The following ADAMTS12 variants were observed in gnomAD, a reference collection of about 807,000 sequenced individuals.
ADAMTS12 encodes ADAM metallopeptidase with thrombospondin type 1 motif 12.
A neutral mutation model predicts 167.8 loss-of-function variants in ADAMTS12; 118 were observed. The observed-to-expected ratio is 0.70, with a 90% confidence interval of 0.61 to 0.82. The LOEUF is 0.82. ADAMTS12 is among the 40% of genes least tolerant of loss of function. ADAMTS12 has a pLI of 0.00. For synonymous variants in ADAMTS12, 704 were observed against 716.9 expected (o/e 0.98, Z 0.29); for missense variants, 1,916 against 1,998.8 (o/e 0.96, Z 0.79).
chr5:33,630,813 G>A lies in ADAMTS12; in HGVS notation c.1989C>T (p.Asn663=), dbSNP rs1250827471. ...TGCCATTAATACAGACATTTCTGCT[G>A]TTGCCGCCTTCAAAGCAAGGGGTAC... The part of the protein sequence containing the change: ...IDGTPCFEGG[N]SRNVCINGIC... Residue 663 remains asparagine (N), a synonymous_variant, in exon 13 of 24, where the codon AAC becomes AAT. Transcript: ENST00000504830. The A allele has an allele frequency of 1.2e-6, 2 of 1,613,662 alleles. No homozygotes were observed. Among genetic ancestry groups the A allele is most frequent in the Admixed American group, 1.7e-5 (1 of 60,002 alleles).
At chr5:33,802,959 C>A (rs1428968394) in intron 2 of ADAMTS12, among the ~76,000 whole-genome samples, 1 of 152,134 alleles carries the variant, frequency 6.6e-6, no homozygotes, top group Non-Finnish European at 1.5e-5. Context: ...TACTTGAGAT[C>A]CAAACACAAG....
chr5:33,853,245 TC>T, intron 2 of ADAMTS12, among the ~76,000 whole-genome samples: 1 of 152,298 alleles, frequency 6.6e-6, no homozygotes, highest in East Asian at 1.9e-4. Flanking sequence ...ACAAGGTCCA[TC>T]CCCTTGAGAT....
intron 5 of ADAMTS12, among the ~76,000 whole-genome samples, chr5:33,673,578 C>T (rs1042756741): frequency 5.3e-5 from 8 of 152,090 alleles, no homozygotes; most frequent in African/African-American, 1.9e-4. Flanking sequence ...GTCCTTAGCC[C>T]AAACCTTCAT....
intron 2 of ADAMTS12, among the ~76,000 whole-genome samples, chr5:33,825,995 T>C (rs2112510169): frequency 6.6e-6 from 1 of 152,280 alleles, no homozygotes; most frequent in South Asian, 2.1e-4. Context: ...AACAGATCTC[T>C]ACCTTGCCAT....
intron 22 of ADAMTS12, among the ~76,000 whole-genome samples, chr5:33,544,101 A>G (rs1349845393): frequency 6.6e-6 from 1 of 152,208 alleles, no homozygotes; most frequent in East Asian, 1.9e-4. Flanking sequence ...ATGATTTTAT[A>G]TTTAGAAAAA....
At chr5:33,622,951 A>G (rs1001690227) in intron 14 of ADAMTS12, among the ~76,000 whole-genome samples, 1 of 152,224 alleles carries the variant, frequency 6.6e-6, no homozygotes, top group African/African-American at 2.4e-5. Flanking sequence ...TGGGCAGGAC[A>G]AGCATTACAT....
At chr5:33,650,754 G>A (rs1024203240) in intron 7 of ADAMTS12, among the ~76,000 whole-genome samples, 1 of 152,184 alleles carries the variant, frequency 6.6e-6, no homozygotes, top group Non-Finnish European at 1.5e-5. Context: ...ACGTTCTCAA[G>A]ATCACCCAAA....
intron 3 of ADAMTS12, among the ~76,000 whole-genome samples, chr5:33,734,339 C>T (rs998450489): frequency 2.2e-4 from 34 of 152,200 alleles, no homozygotes; most frequent in African/African-American, 7.9e-4. Flanking sequence ...AGCCTGACTT[C>T]AAGAATAATA....
intron 3 of ADAMTS12, among the ~76,000 whole-genome samples, chr5:33,706,828 C>A (rs1392022711): frequency 1.3e-5 from 2 of 152,138 alleles, no homozygotes; most frequent in Non-Finnish European, 2.9e-5. Context: ...CTACTTATGA[C>A]AAACCCACAG....
intron 3 of ADAMTS12, among the ~76,000 whole-genome samples, chr5:33,687,090 T>TG (rs1368162646): frequency 1.3e-5 from 2 of 150,098 alleles, no homozygotes; most frequent in Non-Finnish European, 3.0e-5. Flanking sequence ...AGACATGAGT[T>TG]TTTTTTTTTT....
chr5:33,525,112 G>A lies in ADAMTS12; in HGVS notation c.*2076C>T, dbSNP rs1743754670. 6.6e-6 allele frequency: 1 copy of A among 152,078 alleles called. No individual in the cohort carries two copies. Among genetic ancestry groups the A allele is most frequent in the Non-Finnish European group, 1.5e-5 (1 of 68,026 alleles). The allele number at this position is 152,078 out of a possible 1,614,324, so 9.4% of individuals were successfully genotyped here. On this transcript the variant is annotated 3_prime_UTR_variant, in exon 24 of 24. Transcript: ENST00000504830. ...TCTAGCTTACTAAATGAATCCCCCT[G>A]AAAGACTACACTACACTTCAGGGAC...
intron 18 of ADAMTS12, among the ~76,000 whole-genome samples, chr5:33,579,673 T>A (rs1410496023): frequency 1.3e-5 from 2 of 152,214 alleles, no homozygotes; most frequent in African/African-American, 4.8e-5. Context: ...ATTAACTCCT[T>A]GTGTGATTCG....
intron 2 of ADAMTS12, among the ~76,000 whole-genome samples, chr5:33,789,959 C>T (rs1746466541): frequency 1.0e-5 from 1 of 95,386 alleles, no homozygotes; most frequent in African/African-American, 4.1e-5. Context: ...CATTTCACCC[C>T]GAGACTACAC....
chr5:33,681,804 C>G (rs1742129779), intron 5 of ADAMTS12, among the ~76,000 whole-genome samples: 1 of 152,060 alleles, frequency 6.6e-6, no homozygotes, highest in African/African-American at 2.4e-5. Flanking sequence ...AGTGCATAGA[C>G]AGTGAGTATG....
chr5:33,818,341 C>T (rs1206739216), intron 2 of ADAMTS12, among the ~76,000 whole-genome samples: 4 of 152,052 alleles, frequency 2.6e-5, no homozygotes, highest in Non-Finnish European at 5.9e-5. Flanking sequence ...AAAAATATGC[C>T]ACATATAAGT....
At position 33,860,504 on chromosome 5, in the gene ADAMTS12, T is replaced by C. The variant is rs182800870; in HGVS notation, c.489+20615A>G. ...GAATGAACAAAGCCTCCAAGAAATA[T>C]GAGACTATGTAGAAAGACCAAACCT... is the stretch of plus-strand genomic sequence containing the variant. On this transcript the variant is annotated intron_variant, in intron 2 of 23. Transcript: ENST00000504830. Among the ~76,000 whole-genome samples, 91 of 152,144 alleles carry C rather than the reference T, an allele frequency of 6.0e-4. No individual in the cohort carries two copies. In the East Asian group the frequency reaches 0.013, roughly 22 times the overall value.
intron 2 of ADAMTS12, among the ~76,000 whole-genome samples, chr5:33,794,963 C>A (rs1746716176): frequency 6.6e-6 from 1 of 152,118 alleles, no homozygotes; most frequent in East Asian, 1.9e-4. Flanking sequence ...CCATTATTTA[C>A]ATATTTTAAA....
At chr5:33,676,712 A>ACACG (rs1223699819) in intron 5 of ADAMTS12, among the ~76,000 whole-genome samples, 2 of 113,182 alleles carry the variant, frequency 1.8e-5, no homozygotes, top group African/African-American at 5.5e-5. Flanking sequence ...ACACACAGAG[A>ACACG]GAGAGAGAGA....
intron 3 of ADAMTS12, among the ~76,000 whole-genome samples, chr5:33,705,231 A>AT (rs1743149313): frequency 1.4e-5 from 2 of 142,480 alleles, no homozygotes; most frequent in Middle Eastern, 7.4e-3. Context: ...AAATGCCATT[A>AT]TTTTTTTCCT....
Sources: allele counts gnomAD v4.1 joint callset (sites outside exome capture counted in the v4.1 genomes callset), GRCh38; gene constraint gnomAD v4.1.1; transcripts MANE v1.5; gene names NCBI Gene and HGNC (gene_info 2026-07-23, HGNC 2026-07-21).